ANK2: variants seen among roughly 807,000 people sequenced by gnomAD.
ANK2 encodes the protein ankyrin-2.
In ANK2, 83 loss-of-function variants were observed where a neutral mutation model predicts 360.5. The ratio of observed to expected loss-of-function variants is 0.23; its 90% CI spans 0.19 to 0.28. ANK2 has a LOEUF of 0.28. Among genes scored for constraint, ANK2 ranks in the 10% least tolerant of loss-of-function variants. The probability of loss-of-function intolerance (pLI) is 1.00; values close to 1 mark genes in which losing one functional copy is unlikely to be tolerated. For synonymous variants in ANK2, 1,740 were observed against 1,759.5 expected, an observed-to-expected ratio of 0.99 and a Z score of 0.28; for missense variants, 4,201 against 4,795.7, an observed-to-expected ratio of 0.88 and a Z score of 3.66.
chr4:112,826,942 T>G (rs948164404), intron 1 of ANK2: 33 of 1,537,164 alleles, frequency 2.1e-5, no homozygotes, highest in Non-Finnish European at 2.9e-5. Context: ...AACTCTGAAT[T>G]GGTTGGCACA....
the ANK2 span, among the ~76,000 whole-genome samples, chr4:112,774,216 T>C: frequency 2.0e-5 from 3 of 152,104 alleles, no homozygotes; most frequent in South Asian, 2.1e-4. Flanking sequence ...CTTCTATCCA[T>C]GTATTGTAAG....
intron 35 of ANK2, among the ~76,000 whole-genome samples, chr4:113,346,961 C>G (rs2153993842): frequency 6.6e-6 from 1 of 152,228 alleles, no homozygotes; most frequent in South Asian, 2.1e-4. Flanking sequence ...ATAGGAAGCT[C>G]TCACATGGCA....
intron 1 of ANK2, among the ~76,000 whole-genome samples, chr4:113,074,404 G>T (rs1173468388): frequency 1.3e-5 from 2 of 152,112 alleles, no homozygotes; most frequent in East Asian, 1.9e-4. Flanking sequence ...CTGGAGTAAG[G>T]TCTGTGGCCT....
At chr4:112,950,099 A>C (rs898886652) in intron 2 of ANK2, among the ~76,000 whole-genome samples, 1 of 152,092 alleles carries the variant, frequency 6.6e-6, no homozygotes. Context: ...TCCTTTTCAC[A>C]AGGGTCTTCA....
At chr4:113,072,138 G>C (rs1458933673) in intron 1 of ANK2, among the ~76,000 whole-genome samples, 4 of 152,158 alleles carry the variant, frequency 2.6e-5, no homozygotes, top group Non-Finnish European at 5.9e-5. Flanking sequence ...ATATCAGTAG[G>C]CATCTAAAAA....
In ANK2 at chr4:113,242,191, G is replaced by A. The variant is rs2153573926; in HGVS notation, c.873G>A (p.Gln291=). Residue 291 remains glutamine, a synonymous_variant, in exon 9 of 46, where the codon CAG becomes CAA. Transcript: ENST00000357077. Reference sequence around the variant, plus strand: ...AGCTCTTACTGGATCGAGGCGGTCAGATCGATGCCAAAACTAGGGTGAGTG... The same window carrying A: ...AGCTCTTACTGGATCGAGGCGGTCAAATCGATGCCAAAACTAGGGTGAGTG... The part of the protein sequence containing the change: ...MVKLLLDRGG[Q]IDAKTRDGLT... The A allele has an allele frequency of 6.2e-7, 1 of 1,613,826 alleles. No homozygotes were observed. The highest frequency in any genetic ancestry group is 8.5e-7 in the Non-Finnish European group (1 of 1,179,736).
chr4:113,216,131 A>C (rs1162350802), intron 4 of ANK2, among the ~76,000 whole-genome samples: 1 of 152,232 alleles, frequency 6.6e-6, no homozygotes, highest in Non-Finnish European at 1.5e-5. Flanking sequence ...CATTTCTGGC[A>C]TAACTATTTC....
intron 2 of ANK2, among the ~76,000 whole-genome samples, chr4:113,179,702 T>G (rs2153233359): frequency 6.6e-6 from 1 of 152,338 alleles, no homozygotes; most frequent in South Asian, 2.1e-4. Flanking sequence ...AAGACTTACT[T>G]TCTTACCTAT....
intron 1 of ANK2, among the ~76,000 whole-genome samples, chr4:112,838,100 A>G (rs537633382): frequency 1.3e-5 from 2 of 152,144 alleles, no homozygotes; most frequent in Non-Finnish European, 2.9e-5. Flanking sequence ...AGGGAGGGAC[A>G]TGGTGGGAGG....
intron 1 of ANK2, among the ~76,000 whole-genome samples, chr4:113,102,338 A>G (rs1000990029): frequency 6.6e-6 from 1 of 152,142 alleles, no homozygotes; most frequent in Non-Finnish European, 1.5e-5. Context: ...GGAGAAAAAA[A>G]CATTTCGGGG....
chr4:112,958,532 G>A (rs904352479), intron 2 of ANK2, among the ~76,000 whole-genome samples: 2 of 152,214 alleles, frequency 1.3e-5, no homozygotes, highest in African/African-American at 4.8e-5. Context: ...GCAGCGAGCC[G>A]AGATGGCAGC....
intron 2 of ANK2, among the ~76,000 whole-genome samples, chr4:113,041,427 A>C (rs1422327604): frequency 6.6e-6 from 1 of 152,104 alleles, no homozygotes; most frequent in African/African-American, 2.4e-5. Flanking sequence ...CCAGCTCTTC[A>C]TGGGAGATGG....
chr4:113,052,967 A>G (rs188681555), intron 1 of ANK2, among the ~76,000 whole-genome samples: 1 of 152,330 alleles, frequency 6.6e-6, no homozygotes, highest in East Asian at 1.9e-4. Context: ...GAGCGTTACT[A>G]AAGCTATAGT....
intron 1 of ANK2, chr4:112,827,008 G>T (rs906724698): frequency 3.3e-6 from 5 of 1,494,184 alleles, no homozygotes; most frequent in Non-Finnish European, 4.7e-6. Context: ...CTACAAAAGA[G>T]AATTTTAGAC....
chr4:112,952,911 G>A (rs115150694), intron 2 of ANK2, among the ~76,000 whole-genome samples: 3 of 152,118 alleles, frequency 2.0e-5, no homozygotes, highest in Non-Finnish European at 4.4e-5. Context: ...ACTTGACCAA[G>A]TCAAGAGAGA....
intron 2 of ANK2, among the ~76,000 whole-genome samples, chr4:112,989,686 C>T (rs991493363): frequency 1.9e-4 from 29 of 152,144 alleles, no homozygotes; most frequent in African/African-American, 6.5e-4. Context: ...GGACATTCAT[C>T]AGAGGTCTTA....
chr4:113,055,114 C>G (rs1258924137), intron 1 of ANK2, among the ~76,000 whole-genome samples: 4 of 152,064 alleles, frequency 2.6e-5, no homozygotes, highest in Non-Finnish European at 5.9e-5. Flanking sequence ...TTGTCTTAGC[C>G]AGGTGCAGTG....
chr4:112,993,414 G>C (rs111650646), intron 2 of ANK2, among the ~76,000 whole-genome samples: 5,726 of 150,840 alleles, frequency 0.038, 176 homozygotes, highest in Middle Eastern at 0.085. Context: ...GCAATTCTCT[G>C]CCTCAGCCTT....
the ANK2 span, among the ~76,000 whole-genome samples, chr4:112,765,767 A>T: frequency 1.3e-5 from 2 of 151,026 alleles, no homozygotes; most frequent in Non-Finnish European, 2.9e-5. Context: ...CTTTCCCCCA[A>T]CTTCACTGTT....
Sources: gnomAD v4.1 joint callset for allele counts (sites outside exome capture counted in the v4.1 genomes callset) on GRCh38, gnomAD v4.1.1 for gene constraint, MANE v1.5 for transcripts, NCBI Gene and HGNC (gene_info 2026-07-23, HGNC 2026-07-21) for gene names.